Variants in GGA2 observed in about 807,000 individuals in gnomAD.
GGA2 encodes the protein golgi associated, gamma adaptin ear containing, ARF binding protein 2, also known as ADP-ribosylation factor-binding protein GGA2.
GGA2 carries 48 observed loss-of-function variants against 79.5 expected under a neutral mutation model. That is an observed-to-expected ratio of 0.60 (90% CI 0.48 to 0.77). The LOEUF (loss-of-function observed/expected upper bound fraction) is 0.77, where lower values mean the gene tolerates loss of function less well. Ranked by LOEUF, GGA2 falls within the 30% of genes least tolerant of loss-of-function variation. The pLI is 0.00. For missense variants in GGA2, 770 were observed against 774.0 expected, an observed-to-expected ratio of 0.99 and a Z score of 0.06; for synonymous variants, 317 against 302.0, an observed-to-expected ratio of 1.05 and a Z score of -0.51.
intron 11 of GGA2, 78 bp downstream of exon 11, chr16:23,479,687 G>C: frequency 6.6e-7 from 1 of 1,511,780 alleles, no homozygotes; most frequent in Non-Finnish European, 9.1e-7. Flanking sequence ...CAGCAGGCAT[G>C]TGCTCCGCGA....
Position 23,481,224 on chromosome 16 carries a change from C to CA in GGA2, c.881-455dup, listed in dbSNP as rs1376809696. On this transcript the variant is annotated intron_variant, in intron 9 of 16. Coordinates refer to ENST00000309859, the MANE Select transcript of GGA2 (RefSeq NM_015044.4). ...TGAAACCCAGTTTCTACTAAAAATA[C>CA]AAAAAATCAGCCGTGGCAGGTGCCT... 2.6e-5 allele frequency among the ~76,000 whole-genome samples: 4 copies of CA among 152,100 alleles called. No individual in the cohort carries two copies. In the East Asian group the frequency reaches 7.8e-4, roughly 29 times the overall value.
chr16:23,498,641 G>A (rs1257199060), intron 1 of GGA2, among the ~76,000 whole-genome samples: 1 of 152,152 alleles, frequency 6.6e-6, no homozygotes, highest in African/African-American at 2.4e-5. Flanking sequence ...AAGGGGAAGG[G>A]TCTAAAATGC....
Position 23,465,584 on chromosome 16 carries a change from G to A in GGA2, c.*2006C>T. On this transcript the variant is annotated 3_prime_UTR_variant, in exon 17 of 17. Coordinates refer to ENST00000309859, the MANE Select transcript of GGA2 (RefSeq NM_015044.4). Reference sequence around the variant, plus strand: ...CCCATTTTGACCAAAACCCTTCAGAGGGAGATGCTGTCATTATGATGGGTA... The same window carrying A: ...CCCATTTTGACCAAAACCCTTCAGAAGGAGATGCTGTCATTATGATGGGTA... 1 of 607,214 alleles carries A rather than the reference G, an allele frequency of 1.6e-6. No homozygotes were observed. Among genetic ancestry groups the A allele is most frequent in the South Asian group, 2.0e-5 (1 of 50,954 alleles). The allele number at this position is 607,214 out of a possible 1,614,324, so 37.6% of individuals were successfully genotyped here.
chr16:23,475,514 G>A (rs906025161), intron 13 of GGA2, among the ~76,000 whole-genome samples: 10 of 151,768 alleles, frequency 6.6e-5, no homozygotes, highest in African/African-American at 2.2e-4. Flanking sequence ...TCAAGTAATC[G>A]AACTCATACC....
In GGA2 at chr16:23,495,648, G is replaced by C. The variant is rs1964845567; in HGVS notation, c.176+46C>G. 4.6e-6 allele frequency: 5 copies of C among 1,095,490 alleles called. No individual in the cohort carries two copies. In the East Asian group the frequency reaches 1.2e-4, roughly 26 times the overall value. The allele number at this position is 1,095,490 out of a possible 1,614,324, so 67.9% of individuals were successfully genotyped here. A position where few individuals can be genotyped will look rare whatever the true frequency, so the allele number is the denominator to read the frequency against. Reference sequence around the variant, plus strand: ...TGAGAGACAAAGGCCTACACTCAGTGTGGGGTGCCCCCAGAGTCAACTATG... The same window carrying C: ...TGAGAGACAAAGGCCTACACTCAGTCTGGGGTGCCCCCAGAGTCAACTATG... On this transcript the variant is annotated intron_variant, in intron 2 of 16. Transcript: ENST00000309859.
At chr16:23,491,648 G>T (rs1426866174) in intron 5 of GGA2, 29 bp downstream of exon 5, 1 of 1,607,892 alleles carries the variant, frequency 6.2e-7, no homozygotes, top group Admixed American at 1.7e-5. Flanking sequence ...TAGTCAAGAG[G>T]AAATAAGACA....
intron 5 of GGA2, 96 bp downstream of exon 5, chr16:23,491,581 A>C (rs1964788294): frequency 3.8e-6 from 4 of 1,062,270 alleles, no homozygotes; most frequent in Non-Finnish European, 4.2e-6. Flanking sequence ...CTACATAAGA[A>C]GTACAGCTTT....
intron 5 of GGA2, among the ~76,000 whole-genome samples, chr16:23,489,935 C>T (rs771057782): frequency 2.0e-5 from 3 of 148,512 alleles, no homozygotes; most frequent in African/African-American, 2.5e-5. Flanking sequence ...ATGTCCTGGG[C>T]CCAGATCTAC....
rs1013674411 is a variant in GGA2, at chr16:23,510,426, C to T, written c.-15G>A. 1.8e-6 allele frequency: 2 copies of T among 1,111,316 alleles called. No homozygotes were observed. Among genetic ancestry groups the T allele is most frequent in the South Asian group, 2.4e-5 (1 of 41,706 alleles). The allele number at this position is 1,111,316 out of a possible 1,614,324, so 68.8% of individuals were successfully genotyped here. On this transcript the variant is annotated 5_prime_UTR_variant, in exon 1 of 17. Transcript: ENST00000309859. ...GTCGCCGCCATCGCTCCAGCCCCGA[C>T]GCTGCGGCCGCGGGCGCCACTGCCT...
chr16:23,514,921 T>C (rs1965094487), upstream of GGA2, among the ~76,000 whole-genome samples: 1 of 152,112 alleles, frequency 6.6e-6, no homozygotes, highest in Non-Finnish European at 1.5e-5. Context: ...ACGTCTGGAA[T>C]GAGGCCCCAG....
In GGA2 at chr16:23,465,571, A is replaced by G. The variant is rs1333617141; in HGVS notation, c.*2019T>C. 3 of 614,742 alleles carry G rather than the reference A, an allele frequency of 4.9e-6. No homozygotes were observed. The African/African-American group carries it at 5.5e-5, about 11-fold the overall frequency. 38.1% of individuals were successfully genotyped at this position (614,742 alleles called of 1,614,324 possible). The stretch of plus-strand genomic sequence containing the variant: ...TAAGTCTCATTCACCCATTTTGACC[A>G]AAACCCTTCAGAGGGAGATGCTGTC... On this transcript the variant is annotated 3_prime_UTR_variant, in exon 17 of 17. Coordinates refer to ENST00000309859, the MANE Select transcript of GGA2 (RefSeq NM_015044.4).
chr16:23,505,685 C>T (rs1726256781), intron 1 of GGA2, among the ~76,000 whole-genome samples: 1 of 151,874 alleles, frequency 6.6e-6, no homozygotes, highest in Non-Finnish European at 1.5e-5. Flanking sequence ...TGTCCCCCAC[C>T]CCACCCCACC....
At chr16:23,481,082 G>A (rs1964641912) in intron 9 of GGA2, among the ~76,000 whole-genome samples, 1 of 152,208 alleles carries the variant, frequency 6.6e-6, no homozygotes, top group African/African-American at 2.4e-5. Flanking sequence ...CTTTAACTCA[G>A]AATCTGAAGC....
At chr16:23,479,108 T>C in intron 11 of GGA2, 197 bp from the exon 12 acceptor site, 1 of 604,460 alleles carries the variant, frequency 1.7e-6, no homozygotes, top group Admixed American at 2.7e-5. Context: ...CCAGAACACC[T>C]GATTCCCTTG....
chr16:23,481,420 G>A (rs190939910), intron 9 of GGA2, among the ~76,000 whole-genome samples: 4 of 152,236 alleles, frequency 2.6e-5, no homozygotes, highest in Admixed American at 2.0e-4. Flanking sequence ...GCATCATGGG[G>A]GATGCCACGA....
chr16:23,507,069 C>T (rs889661501), intron 1 of GGA2, among the ~76,000 whole-genome samples: 9 of 152,224 alleles, frequency 5.9e-5, no homozygotes, highest in South Asian at 4.2e-4. Flanking sequence ...AATTCCCTCT[C>T]GCTATTCTCT....
rs922640002 is a variant in GGA2, at chr16:23,470,101, C to T, written c.1515G>A (p.Gln505=). ...CCTCTGGGTGCCCAGGGGCTCCCGT[C>T]TGGGAGAAGTGGAGCAGAATTCTGA... ...NGFRILLHFS[Q]TGAPGHPEVQ... Residue 505 remains glutamine (Q), a synonymous_variant, in exon 15 of 17, where the codon CAG becomes CAA. Transcript: ENST00000309859. 1.9e-6 allele frequency: 3 copies of T among 1,610,486 alleles called. No homozygotes were observed. The highest frequency in any genetic ancestry group is 2.5e-6 in the Non-Finnish European group (3 of 1,178,424).
chr16:23,480,246 C>T (rs1964630659), intron 10 of GGA2: 1 of 319,878 alleles, frequency 3.1e-6, no homozygotes, highest in African/African-American at 2.1e-5. Flanking sequence ...AGGCCCAGCT[C>T]CAAGCAGTCT....
chr16:23,478,547 C>T (rs779888466), intron 12 of GGA2, 46 bp from the exon 13 acceptor site: 30 of 1,589,276 alleles, frequency 1.9e-5, no homozygotes, highest in Non-Finnish European at 2.5e-5. Flanking sequence ...TATGAATGAC[C>T]ATCAGCCACA....
Sources: allele counts gnomAD v4.1 joint callset (sites outside exome capture counted in the v4.1 genomes callset), GRCh38; gene constraint gnomAD v4.1.1; transcripts MANE v1.5; gene names NCBI Gene and HGNC (gene_info 2026-07-23, HGNC 2026-07-21).